The following CTNND2 variants were observed in gnomAD, a reference collection of about 807,000 sequenced individuals.
CTNND2 encodes catenin delta 2.
A neutral mutation model predicts 144.4 loss-of-function variants in CTNND2; 22 were observed. The observed-to-expected ratio is 0.15, with a 90% CI of 0.11 to 0.22. CTNND2 has a LOEUF of 0.22. CTNND2 is among the 10% of genes least tolerant of loss of function. The pLI is 1.00. For missense variants in CTNND2, 1,353 were observed against 1,618.8 expected (o/e 0.84, Z 2.82); for synonymous variants, 751 against 695.6 (o/e 1.08, Z -1.25).
At chr5:11,789,033 C>T (rs576415943) in intron 1 of CTNND2, among the ~76,000 whole-genome samples, 7 of 152,190 alleles carry the variant, frequency 4.6e-5, no homozygotes, top group Non-Finnish European at 1.0e-4. Flanking sequence ...CATCTCACAC[C>T]AGTTAGAATG....
chr5:11,498,341 G>C (rs1323894394), intron 3 of CTNND2, among the ~76,000 whole-genome samples: 15 of 152,050 alleles, frequency 9.9e-5, no homozygotes, highest in Non-Finnish European at 4.4e-5. Flanking sequence ...GGAAAATGAT[G>C]ATTAGGAGTC....
intron 6 of CTNND2, among the ~76,000 whole-genome samples, chr5:11,390,977 C>T (rs1169089684): frequency 2.0e-5 from 3 of 152,140 alleles, no homozygotes; most frequent in African/African-American, 7.2e-5. Flanking sequence ...AAGGAAGGCA[C>T]AGGCCACAGG....
At chr5:11,874,541 AC>A (rs1240226445) in intron 1 of CTNND2, among the ~76,000 whole-genome samples, 1 of 152,188 alleles carries the variant, frequency 6.6e-6, no homozygotes, top group Non-Finnish European at 1.5e-5. Context: ...CCATATCCCA[AC>A]AGGGGACCCC....
Position 11,450,236 on chromosome 5 carries a change from G to T in CTNND2, c.288-38167C>A, listed in dbSNP as rs188863085. On this transcript the variant is annotated intron_variant, in intron 3 of 21. Transcript: ENST00000304623. Reference sequence around the variant, plus strand: ...TTGGGCTGCCCCACATGAGAAACCTGGATCTGTCAAAGGTGCTATTGGTAG... The same window carrying T: ...TTGGGCTGCCCCACATGAGAAACCTTGATCTGTCAAAGGTGCTATTGGTAG... Among the ~76,000 whole-genome samples the T allele has an allele frequency of 7.9e-5, 12 of 152,236 alleles. No homozygotes were observed. The South Asian group carries it at 2.5e-3, about 32-fold the overall frequency.
In CTNND2 at chr5:11,411,545, T is replaced by C; in HGVS notation, c.430A>G (p.Thr144Ala). ...CTGCCACGTGACTTACTTTCACCTG[T>C]AGAATAATCCTGTGGGTCAAGTATT... is the stretch of plus-strand genomic sequence containing the variant. Reference protein sequence around the residue: ...SGILDPQDYSTGERPSLLSQS... With the variant: ...SGILDPQDYSAGERPSLLSQS... Residue 144 changes from threonine (T) to alanine (A), a missense_variant, in exon 5 of 22, where the codon ACA (threonine) becomes GCA (alanine). Around this residue, in one of 4 missense-constraint regions of CTNND2, gnomAD observed 708 missense variants for 706.4 expected, o/e 1.00. Transcript: ENST00000304623. The C allele has an allele frequency of 6.3e-7, 1 of 1,579,374 alleles. No individual in the cohort carries two copies. The highest frequency in any genetic ancestry group is 1.3e-5 in the African/African-American group (1 of 74,262).
rs1023360825 is a variant in CTNND2, at chr5:11,033,248, A to G, written c.2789-10269T>C. On this transcript the variant is annotated intron_variant, in intron 16 of 21. Transcript: ENST00000304623. Reference sequence around the variant, plus strand: ...AATGGACTTGACAAGGATTACAAAAAAATAGCACATATGAGATAAGAAGAC... The same window carrying G: ...AATGGACTTGACAAGGATTACAAAAGAATAGCACATATGAGATAAGAAGAC... Among the ~76,000 whole-genome samples the G allele has an allele frequency of 4.6e-5, 7 of 152,174 alleles. 1 individual carries two copies. In the South Asian group the frequency reaches 1.4e-3, roughly 31 times the overall value.
chr5:11,122,609 T>A (rs1003390594), intron 12 of CTNND2, among the ~76,000 whole-genome samples: 5 of 151,960 alleles, frequency 3.3e-5, no homozygotes, highest in Non-Finnish European at 7.4e-5. Flanking sequence ...GCCCTTCACA[T>A]CCCTGGGCAG....
chr5:11,744,903 T>A (rs762655097), intron 1 of CTNND2, among the ~76,000 whole-genome samples: 61 of 151,678 alleles, frequency 4.0e-4, no homozygotes, highest in Non-Finnish European at 7.1e-4. Flanking sequence ...GTCCAGCTAA[T>A]TTTTGTGCTT....
At chr5:11,271,940 T>G (rs1047395823) in intron 9 of CTNND2, among the ~76,000 whole-genome samples, 2 of 152,130 alleles carry the variant, frequency 1.3e-5, no homozygotes, top group African/African-American at 2.4e-5. Flanking sequence ...TTTTGGGAAT[T>G]GTACAAATGA....
chr5:11,741,643 A>C (rs1325168102), intron 1 of CTNND2, among the ~76,000 whole-genome samples: 42 of 151,814 alleles, frequency 2.8e-4, no homozygotes, highest in Non-Finnish European at 2.2e-4. Context: ...GGGTGTAGCA[A>C]ACCAACATGG....
At chr5:11,571,222 T>C (rs1263902795) in intron 2 of CTNND2, among the ~76,000 whole-genome samples, 2 of 152,148 alleles carry the variant, frequency 1.3e-5, no homozygotes, top group Non-Finnish European at 2.9e-5. Flanking sequence ...TTTTTGAAGG[T>C]ATCTCAACTT....
intron 14 of CTNND2, among the ~76,000 whole-genome samples, chr5:11,103,573 G>A (rs1456873499): frequency 6.6e-6 from 1 of 152,036 alleles, no homozygotes; most frequent in Non-Finnish European, 1.5e-5. Flanking sequence ...AGGAGACTGA[G>A]GCAGGAGAAT....
At position 11,064,202 on chromosome 5, in the gene CTNND2, A is replaced by T. The variant is rs376925163; in HGVS notation, c.2788+18494T>A. Among the ~76,000 whole-genome samples, 26 of 152,264 alleles carry T rather than the reference A, an allele frequency of 1.7e-4. No individual in the cohort carries two copies. The East Asian group carries it at 4.4e-3, about 26-fold the overall frequency. On this transcript the variant is annotated intron_variant, in intron 16 of 21. Coordinates refer to ENST00000304623, the MANE Select transcript of CTNND2 (RefSeq NM_001332.4). ...CCATTTCTTTCCATTTCTTTTCTCCAAGTAAAGATACCAGCTTGTTTCAGC... is the reference window on the plus strand; with the variant it reads ...CCATTTCTTTCCATTTCTTTTCTCCTAGTAAAGATACCAGCTTGTTTCAGC...
chr5:11,711,091 A>G (rs11746005), intron 2 of CTNND2, among the ~76,000 whole-genome samples: 19,675 of 151,742 alleles, frequency 0.13, 1,846 homozygotes, highest in African/African-American at 0.26. Context: ...TTTGAGAGGA[A>G]GTCTCACTCT....
At chr5:11,628,813 G>T (rs775614650) in intron 2 of CTNND2, among the ~76,000 whole-genome samples, 1 of 151,958 alleles carries the variant, frequency 6.6e-6, no homozygotes, top group East Asian at 1.9e-4. Context: ...GAGAAGACTC[G>T]GAAAAACACA....
intron 7 of CTNND2, among the ~76,000 whole-genome samples, chr5:11,382,608 T>A (rs1758623566): frequency 7.0e-6 from 1 of 143,230 alleles, no homozygotes; most frequent in Non-Finnish European, 1.6e-5. Context: ...TGTGTGTGTG[T>A]GTGTGTGTGT....
Position 11,588,842 on chromosome 5 carries a change from C to G in CTNND2, c.175-23786G>C, listed in dbSNP as rs1475144541. 4.1e-6 allele frequency: 4 copies of G among 985,238 alleles called. No homozygotes were observed. The African/African-American group carries it at 7.0e-5, about 17-fold the overall frequency. 61.0% of individuals were successfully genotyped at this position (985,238 alleles called of 1,614,324 possible). Reference sequence around the variant, plus strand: ...TGAAGGGTTACTCTTCCCTCCTTCCCCAGGCTGTGGAGCAGGCGGTTCCTG... The same window carrying G: ...TGAAGGGTTACTCTTCCCTCCTTCCGCAGGCTGTGGAGCAGGCGGTTCCTG... On this transcript the variant is annotated intron_variant, in intron 2 of 21. Transcript: ENST00000304623.
intron 9 of CTNND2, among the ~76,000 whole-genome samples, chr5:11,259,148 G>T (rs1744590774): frequency 6.6e-6 from 1 of 152,156 alleles, no homozygotes; most frequent in Admixed American, 6.5e-5. Context: ...GAAAACTCAA[G>T]ACTTCAGTAG....
At chr5:11,260,559 G>A (rs2149953465) in intron 9 of CTNND2, among the ~76,000 whole-genome samples, 1 of 152,222 alleles carries the variant, frequency 6.6e-6, no homozygotes, top group Middle Eastern at 3.4e-3. Context: ...ATTCATCTGT[G>A]AGGGCCTTCT....
Sources: allele counts gnomAD v4.1 joint callset (sites outside exome capture counted in the v4.1 genomes callset), GRCh38; gene constraint gnomAD v4.1.1; regional missense constraint gnomAD v4.1.1; transcripts MANE v1.5; gene names NCBI Gene and HGNC (gene_info 2026-07-23, HGNC 2026-07-21).